MAPRE1: variants seen among roughly 807,000 people sequenced by gnomAD.
MAPRE1 encodes microtubule-associated protein RP/EB family member 1.
Under a neutral mutation model 32.1 loss-of-function variants are expected in MAPRE1, and 5 were observed. That is an observed-to-expected ratio of 0.16 (90% confidence interval 0.08 to 0.33). The LOEUF (loss-of-function observed/expected upper bound fraction) is 0.33, where lower values mean the gene tolerates loss of function less well. Ranked by LOEUF, MAPRE1 falls within the 10% of genes least tolerant of loss-of-function variation. MAPRE1 has a pLI of 1.00. For missense variants in MAPRE1, 209 were observed against 327.2 expected (o/e 0.64, Z 2.79); for synonymous variants, 122 against 118.9 (o/e 1.03, Z -0.17).
At chr20:32,828,784 G>A (rs1319066544) in intron 2 of MAPRE1, among the ~76,000 whole-genome samples, 3 of 152,180 alleles carry the variant, frequency 2.0e-5, no homozygotes, top group Non-Finnish European at 2.9e-5. Flanking sequence ...AGATCTTTCT[G>A]AGCACACAGC....
intron 2 of MAPRE1, among the ~76,000 whole-genome samples, chr20:32,829,987 A>G (rs1982973123): frequency 6.6e-6 from 1 of 152,176 alleles, no homozygotes; most frequent in African/African-American, 2.4e-5. Context: ...GAAAGGGAGT[A>G]CTGGTTGCTT....
chr20:32,848,865 A>G lies in MAPRE1; in HGVS notation c.*137A>G. On this transcript the variant is annotated 3_prime_UTR_variant, in exon 7 of 7. Coordinates refer to ENST00000375571, the MANE Select transcript of MAPRE1 (RefSeq NM_012325.3). ...CAAAAAGTACCTCTTCTTAAAGTGC[A>G]CTTTGCAGACGTTTCACTCCTTTTC... 1.6e-6 allele frequency: 1 copy of G among 631,614 alleles called. No individual in the cohort carries two copies. The allele number at this position is 631,614 out of a possible 1,614,324, so 39.1% of individuals were successfully genotyped here. A position where few individuals can be genotyped will look rare whatever the true frequency, so the allele number is the denominator to read the frequency against.
intron 5 of MAPRE1, among the ~76,000 whole-genome samples, chr20:32,844,439 C>CTTGTTTTTTTT (rs1983447259): frequency 1.9e-5 from 1 of 52,030 alleles, no homozygotes; most frequent in Admixed American, 3.7e-4. Context: ...GCTAGCATTC[C>CTTGTTTTTTTT]TTTTTTTTTT....
intron 5 of MAPRE1, among the ~76,000 whole-genome samples, chr20:32,842,840 T>A (rs979649586): frequency 1.3e-5 from 2 of 151,268 alleles, no homozygotes; most frequent in African/African-American, 2.4e-5. Context: ...TGGGGGAGAG[T>A]GTGATTGGGG....
chr20:32,826,942 T>G (rs1982871147), intron 2 of MAPRE1, among the ~76,000 whole-genome samples: 1 of 152,184 alleles, frequency 6.6e-6, no homozygotes, highest in African/African-American at 2.4e-5. Context: ...GCATCCAGAT[T>G]GCATGTTTTA....
At chr20:32,836,418 A>G (rs1983204073) in intron 3 of MAPRE1, among the ~76,000 whole-genome samples, 1 of 152,118 alleles carries the variant, frequency 6.6e-6, no homozygotes, top group Non-Finnish European at 1.5e-5. Flanking sequence ...ATTCCTTTTC[A>G]TACATTTGAG....
chr20:32,848,228 G>A (rs910033741), intron 6 of MAPRE1, among the ~76,000 whole-genome samples: 6 of 149,180 alleles, frequency 4.0e-5, no homozygotes, highest in African/African-American at 1.2e-4. Flanking sequence ...TTTTTTTTTC[G>A]AGACATTGTC....
chr20:32,831,942 C>T (rs1983038579), intron 2 of MAPRE1, among the ~76,000 whole-genome samples: 1 of 125,618 alleles, frequency 8.0e-6, no homozygotes, highest in African/African-American at 3.6e-5. Flanking sequence ...AAAGTTCGTC[C>T]GTTTCAAAAA....
chr20:32,825,008 C>T (rs1464192543), intron 1 of MAPRE1, among the ~76,000 whole-genome samples: 1 of 151,862 alleles, frequency 6.6e-6, no homozygotes, highest in African/African-American at 2.4e-5. Context: ...AAAAATTAGC[C>T]AGGCATGGTG....
chr20:32,839,630 C>T, intron 4 of MAPRE1, 105 bp from the exon 5 acceptor site: 5 of 1,481,316 alleles, frequency 3.4e-6, no homozygotes, highest in East Asian at 4.6e-5. Context: ...TCACTGAACA[C>T]CTGTGCAAGG....
chr20:32,829,095 C>A (rs565453163), intron 2 of MAPRE1, among the ~76,000 whole-genome samples: 1 of 151,914 alleles, frequency 6.6e-6, no homozygotes, highest in African/African-American at 2.4e-5. Flanking sequence ...TGTATTTTTA[C>A]TAGAGACGGG....
chr20:32,833,278 A>G lies in MAPRE1; in HGVS notation c.122-439A>G, dbSNP rs1983093075. On this transcript the variant is annotated intron_variant, in intron 2 of 6. Coordinates refer to ENST00000375571, the MANE Select transcript of MAPRE1 (RefSeq NM_012325.3). The stretch of plus-strand genomic sequence containing the variant: ...CCAGGGAGACAGACGTCTTAGGGAA[A>G]AAAATGTTTTTTAATCTAGATCAAG... 2.0e-5 allele frequency among the ~76,000 whole-genome samples: 3 copies of G among 152,218 alleles called. No homozygotes were observed. The East Asian group carries it at 5.8e-4, about 29-fold the overall frequency.
intron 5 of MAPRE1, among the ~76,000 whole-genome samples, chr20:32,845,480 A>G (rs1312866466): frequency 2.0e-5 from 3 of 152,090 alleles, no homozygotes; most frequent in Non-Finnish European, 4.4e-5. Context: ...GTTTTGATAA[A>G]ATTGTCCTGG....
chr20:32,830,471 A>T (rs1000047232), intron 2 of MAPRE1, among the ~76,000 whole-genome samples: 2 of 152,172 alleles, frequency 1.3e-5, no homozygotes, highest in Non-Finnish European at 2.9e-5. Flanking sequence ...ATTTGGGGCC[A>T]TGATTCCATC....
chr20:32,839,757 A>G lies in MAPRE1; in HGVS notation c.498A>G (p.Thr166=). The G allele has an allele frequency of 6.2e-7, 1 of 1,614,146 alleles. No individual in the cohort carries two copies. The highest frequency in any genetic ancestry group is 8.5e-7 in the Non-Finnish European group (1 of 1,180,014). The change falls in exon 5 of 7, where the codon ACA becomes ACG. Residue 166 remains threonine, a synonymous_variant. Coordinates refer to ENST00000375571, the MANE Select transcript of MAPRE1 (RefSeq NM_012325.3). The part of the protein sequence containing the change: ...SSAAPQRPIS[T]QRTAAAPKAG... ...CAGCTCCCCAGAGGCCCATCTCAAC[A>G]CAGAGAACCGCTGCGGCTCCTAAGG...
intron 2 of MAPRE1, among the ~76,000 whole-genome samples, chr20:32,833,152 A>T (rs1338802324): frequency 6.6e-6 from 1 of 152,026 alleles, no homozygotes; most frequent in African/African-American, 2.4e-5. Context: ...CAGTGAGCTG[A>T]GATTGTGCCA....
At chr20:32,834,648 G>C (rs1447403382) in intron 3 of MAPRE1, among the ~76,000 whole-genome samples, 2 of 149,788 alleles carry the variant, frequency 1.3e-5, no homozygotes, top group Non-Finnish European at 3.0e-5. Context: ...TTTTAGTTTT[G>C]TCTCTACAAT....
intron 2 of MAPRE1, among the ~76,000 whole-genome samples, chr20:32,832,307 C>A (rs772410541): frequency 1.8e-4 from 28 of 152,022 alleles, no homozygotes; most frequent in African/African-American, 6.8e-4. Context: ...CACAGTGAAG[C>A]CTGCTGTGAA....
At chr20:32,823,966 C>T (rs934808092) in intron 1 of MAPRE1, among the ~76,000 whole-genome samples, 1 of 152,224 alleles carries the variant, frequency 6.6e-6, no homozygotes, top group South Asian at 2.1e-4. Flanking sequence ...GCTCTGCTCT[C>T]CTTGCTCACT....
Sources: allele counts gnomAD v4.1 joint callset (sites outside exome capture counted in the v4.1 genomes callset), GRCh38; gene constraint gnomAD v4.1.1; transcripts MANE v1.5; gene names NCBI Gene and HGNC (gene_info 2026-07-23, HGNC 2026-07-21).